Variants in AKAP19 observed in about 807,000 individuals in gnomAD.
AKAP19 encodes the protein small A-kinase anchoring protein.
the AKAP19 span, among the ~76,000 whole-genome samples, chr2:190,184,520 A>C: frequency 6.6e-6 from 1 of 152,196 alleles, no homozygotes; most frequent in South Asian, 2.1e-4. Context: ...TAAAGAAAAA[A>C]ATAACTCCTG....
At chr2:190,142,690 T>G in the AKAP19 span, among the ~76,000 whole-genome samples, 1 of 152,220 alleles carries the variant, frequency 6.6e-6, no homozygotes, top group Non-Finnish European at 1.5e-5. Flanking sequence ...AACAAACTGG[T>G]ACTTTTGATA....
the AKAP19 span, among the ~76,000 whole-genome samples, chr2:189,938,995 G>A: frequency 6.6e-6 from 1 of 152,196 alleles, no homozygotes; most frequent in South Asian, 2.1e-4. Context: ...GAAAAAGTGA[G>A]GTTGAGATGG....
chr2:190,157,816 T>A, the AKAP19 span, among the ~76,000 whole-genome samples: 1 of 152,162 alleles, frequency 6.6e-6, no homozygotes, highest in Non-Finnish European at 1.5e-5. Flanking sequence ...CATATAAGAC[T>A]TAAAATGTAA....
chr2:190,194,966 G>A, the AKAP19 span, among the ~76,000 whole-genome samples: 7 of 152,026 alleles, frequency 4.6e-5, 1 homozygote, highest in African/African-American at 9.7e-5. Flanking sequence ...GGGCCCAAGT[G>A]ACCTCGGCTT....
At chr2:189,908,019 CT>C in the AKAP19 span, among the ~76,000 whole-genome samples, 1 of 151,864 alleles carries the variant, frequency 6.6e-6, no homozygotes, top group Admixed American at 6.6e-5. Context: ...TTTTGATGAT[CT>C]TTTCCATTGT....
At chr2:190,056,432 T>G in the AKAP19 span, 1 of 152,258 alleles carries the variant, frequency 6.6e-6, no homozygotes, top group Non-Finnish European at 1.5e-5. Context: ...AATTACATAC[T>G]TCTCCAAGTA....
the AKAP19 span, among the ~76,000 whole-genome samples, chr2:189,992,646 T>A: frequency 6.6e-6 from 1 of 152,224 alleles, no homozygotes; most frequent in Non-Finnish European, 1.5e-5. Context: ...ATTCTACTCA[T>A]CCATGAGCAT....
At chr2:190,024,702 G>C in the AKAP19 span, among the ~76,000 whole-genome samples, 1 of 152,198 alleles carries the variant, frequency 6.6e-6, no homozygotes, top group South Asian at 2.1e-4. Context: ...TAAACTGTAA[G>C]CCTCCAAGGC....
At chr2:190,196,518 G>A in the AKAP19 span, among the ~76,000 whole-genome samples, 2 of 147,426 alleles carry the variant, frequency 1.4e-5, no homozygotes, top group African/African-American at 2.5e-5. Context: ...AAGAAATGCT[G>A]GGTCTTTTTT....
At chr2:189,997,371 G>A in the AKAP19 span, among the ~76,000 whole-genome samples, 4 of 152,324 alleles carry the variant, frequency 2.6e-5, 1 homozygote, top group South Asian at 8.3e-4. Context: ...TTTGTGATCA[G>A]GTACTGGGGC....
the AKAP19 span, among the ~76,000 whole-genome samples, chr2:190,141,877 C>T: frequency 2.6e-5 from 4 of 152,278 alleles, no homozygotes; most frequent in African/African-American, 7.2e-5. Context: ...TCTTTCTCCT[C>T]GTGCTGACTT....
chr2:189,902,308 C>A, the AKAP19 span, among the ~76,000 whole-genome samples: 3 of 151,922 alleles, frequency 2.0e-5, no homozygotes, highest in Admixed American at 1.3e-4. Flanking sequence ...TAGGCATAGT[C>A]TCTTCTTTGT....
the AKAP19 span, among the ~76,000 whole-genome samples, chr2:190,165,482 A>G: frequency 2.6e-5 from 4 of 152,154 alleles, 1 homozygote; most frequent in Admixed American, 2.6e-4. Context: ...AACCAAATAG[A>G]ATTTCAAGAA....
chr2:189,961,461 T>C, the AKAP19 span, among the ~76,000 whole-genome samples: 1 of 152,166 alleles, frequency 6.6e-6, no homozygotes, highest in Non-Finnish European at 1.5e-5. Context: ...TTTTATTTTT[T>C]TAATACTAAA....
the AKAP19 span, among the ~76,000 whole-genome samples, chr2:190,152,282 C>T: frequency 5.9e-5 from 9 of 152,138 alleles, no homozygotes; most frequent in African/African-American, 1.9e-4. Context: ...AATTGTTGCT[C>T]CATTTGGGCC....
At chr2:190,173,941 C>T in the AKAP19 span, among the ~76,000 whole-genome samples, 45 of 152,248 alleles carry the variant, frequency 3.0e-4, no homozygotes, top group South Asian at 8.7e-3. Flanking sequence ...AAACAACCCC[C>T]TCCTAGCTTC....
the AKAP19 span, among the ~76,000 whole-genome samples, chr2:190,105,843 T>C: frequency 6.6e-6 from 1 of 152,344 alleles, no homozygotes; most frequent in African/African-American, 2.4e-5. Flanking sequence ...TTTGTAAATC[T>C]GTTTATCACA....
At chr2:190,119,367 C>CT in the AKAP19 span, among the ~76,000 whole-genome samples, 3 of 152,220 alleles carry the variant, frequency 2.0e-5, no homozygotes, top group Admixed American at 2.0e-4. Context: ...GTCTGATTTG[C>CT]ATAGGGCTCA....
the AKAP19 span, chr2:190,200,909 A>G: frequency 6.0e-6 from 1 of 167,108 alleles, no homozygotes; most frequent in Non-Finnish European, 1.5e-5. Context: ...AATCTTAAAA[A>G]TAACAGAAAC....
Sources: allele counts gnomAD v4.1 joint callset (sites outside exome capture counted in the v4.1 genomes callset), GRCh38; gene constraint gnomAD v4.1.1; transcripts MANE v1.5; gene names NCBI Gene and HGNC (gene_info 2026-07-23, HGNC 2026-07-21).